Variants in C1orf87 observed in about 807,000 individuals in gnomAD.
C1orf87 encodes the protein chromosome 1 open reading frame 87.
Under a neutral mutation model 60.5 loss-of-function variants are expected in C1orf87, and 58 were observed. The ratio of observed to expected loss-of-function variants is 0.96; its 90% CI spans 0.78 to 1.19. The LOEUF (loss-of-function observed/expected upper bound fraction) is 1.19. Among genes scored for constraint, C1orf87 ranks in the 50% most tolerant of loss-of-function variants. The pLI, the probability that C1orf87 is intolerant of heterozygous loss-of-function variation, is 0.00. For synonymous variants in C1orf87, 236 were observed against 227.4 expected (o/e 1.04, Z -0.34); for missense variants, 673 against 638.6 (o/e 1.05, Z -0.58).
rs576425309 is a variant in C1orf87 at position 59,994,131 on chromosome 1, C to T, written c.1481-3298G>A. On this transcript the variant is annotated intron_variant, in intron 11 of 11. Coordinates refer to ENST00000371201, the MANE Select transcript of C1orf87 (RefSeq NM_152377.3). Reference sequence around the variant, plus strand: ...TTTCAATCTTTTATCTCATTTGATCCGTTCTCAAATCTGGGAAGTATGTTT... The same window carrying T: ...TTTCAATCTTTTATCTCATTTGATCTGTTCTCAAATCTGGGAAGTATGTTT... Among the ~76,000 whole-genome samples, 39 of 152,154 alleles carry T rather than the reference C, an allele frequency of 2.6e-4. No individual in the cohort carries two copies. In the South Asian group the frequency reaches 6.4e-3, roughly 25 times the overall value.
At chr1:60,002,546 G>A (rs950250051) in intron 9 of C1orf87, among the ~76,000 whole-genome samples, 1 of 152,010 alleles carries the variant, frequency 6.6e-6, no homozygotes, top group African/African-American at 2.4e-5. Context: ...TTTGTCAGAG[G>A]AGTAGGTTGC....
At chr1:60,001,579 AGAT>A (rs922432824) in intron 9 of C1orf87, among the ~76,000 whole-genome samples, 7 of 152,010 alleles carry the variant, frequency 4.6e-5, no homozygotes, top group Admixed American at 1.3e-4. Flanking sequence ...ATCCAGGCAA[AGAT>A]GATGATGGTG....
At chr1:60,036,999 A>C (rs1424240838) in intron 6 of C1orf87, among the ~76,000 whole-genome samples, 1 of 152,220 alleles carries the variant, frequency 6.6e-6, no homozygotes, top group Non-Finnish European at 1.5e-5. Context: ...ATTTTCACAC[A>C]GCAACCTCAT....
At chr1:59,996,071 T>TC (rs772852937) in intron 11 of C1orf87, among the ~76,000 whole-genome samples, 4 of 152,172 alleles carry the variant, frequency 2.6e-5, no homozygotes, top group African/African-American at 7.2e-5. Context: ...GGTTTTTTTT[T>TC]CTCTTTGGTA....
chr1:60,038,409 T>C (rs946939623), intron 5 of C1orf87, among the ~76,000 whole-genome samples: 7 of 152,112 alleles, frequency 4.6e-5, no homozygotes, highest in Admixed American at 1.3e-4. Context: ...CCTCCAGGAC[T>C]CTTTTTCCCC....
chr1:60,031,306 A>G (rs752697786), intron 7 of C1orf87, among the ~76,000 whole-genome samples: 44 of 152,184 alleles, frequency 2.9e-4, no homozygotes, highest in Non-Finnish European at 5.9e-4. Context: ...CCAGAACTGT[A>G]TTATGCTCTG....
chr1:59,990,774 G>C lies in C1orf87; in HGVS notation c.1540C>G (p.Leu514Val). 6.2e-7 allele frequency: 1 copy of C among 1,614,122 alleles called. No homozygotes were observed. The highest frequency in any genetic ancestry group is 1.1e-5 in the South Asian group (1 of 91,082). ...LIHNYNLIYN[L>V]SLSPQKIDQA... ...TCGATTTTCTGAGGGCTCAGGGACAGGTTGTAAATGAGATTGTAGTTGTGA... is the reference window on the plus strand; with the variant it reads ...TCGATTTTCTGAGGGCTCAGGGACACGTTGTAAATGAGATTGTAGTTGTGA... The change falls in exon 12 of 12, where the codon CTG becomes GTG. Residue 514 changes from leucine (L) to valine (V), a missense_variant. Coordinates refer to ENST00000371201, the MANE Select transcript of C1orf87 (RefSeq NM_152377.3).
At chr1:60,056,354 G>A (rs1459261738) in intron 2 of C1orf87, among the ~76,000 whole-genome samples, 2 of 152,096 alleles carry the variant, frequency 1.3e-5, no homozygotes, top group South Asian at 2.1e-4. Flanking sequence ...AAAACATTAG[G>A]AGTCAAGAAG....
At chr1:60,065,593 A>C (rs1645540494) in intron 2 of C1orf87, among the ~76,000 whole-genome samples, 1 of 152,108 alleles carries the variant, frequency 6.6e-6, no homozygotes, top group Non-Finnish European at 1.5e-5. Context: ...CTTCAGGTAC[A>C]CTTCTGTGTC....
At chr1:60,035,086 C>T (rs1055464706) in intron 6 of C1orf87, among the ~76,000 whole-genome samples, 6 of 152,294 alleles carry the variant, frequency 3.9e-5, no homozygotes, top group African/African-American at 1.4e-4. Flanking sequence ...CATGTGCCTT[C>T]ACCTGTCCAG....
intron 8 of C1orf87, chr1:60,010,803 G>A (rs1315081726): frequency 6.2e-6 from 1 of 162,524 alleles, no homozygotes; most frequent in East Asian, 1.7e-4. Flanking sequence ...TCTGGCCACT[G>A]GAAAATGAAA....
chr1:60,063,998 G>A (rs1197504262), intron 2 of C1orf87, among the ~76,000 whole-genome samples: 1 of 151,944 alleles, frequency 6.6e-6, no homozygotes, highest in African/African-American at 2.4e-5. Flanking sequence ...CAATCTGGGT[G>A]GCACCATCTA....
At chr1:59,995,897 C>G (rs1231770865) in intron 11 of C1orf87, among the ~76,000 whole-genome samples, 1 of 152,188 alleles carries the variant, frequency 6.6e-6, no homozygotes, top group Non-Finnish European at 1.5e-5. Context: ...TATTGTTAGT[C>G]TCTGTGTCTT....
At chr1:59,993,247 C>T (rs867065301) in intron 11 of C1orf87, among the ~76,000 whole-genome samples, 2 of 151,168 alleles carry the variant, frequency 1.3e-5, no homozygotes, top group South Asian at 2.1e-4. Flanking sequence ...TACATAAATA[C>T]ATAAATACAT....
chr1:60,060,116 C>CATACCATGTACT (rs1208475961), intron 2 of C1orf87, among the ~76,000 whole-genome samples: 55 of 148,028 alleles, frequency 3.7e-4, no homozygotes, highest in Admixed American at 2.4e-3. Context: ...GTCATGGAAC[C>CATACCATGTACT]ATACCATGTA....
chr1:59,997,077 T>C (rs902253662), intron 11 of C1orf87, among the ~76,000 whole-genome samples: 1 of 150,996 alleles, frequency 6.6e-6, no homozygotes, highest in African/African-American at 2.4e-5. Flanking sequence ...GGGGACAAGA[T>C]GGGGAGTTCG....
At chr1:60,048,246 A>G (rs1271082706) in intron 3 of C1orf87, among the ~76,000 whole-genome samples, 1 of 152,214 alleles carries the variant, frequency 6.6e-6, no homozygotes, top group African/African-American at 2.4e-5. Flanking sequence ...AGAAGCCCAA[A>G]TGAGGAAAAC....
At chr1:60,017,819 GTC>G (rs1645134344) in intron 8 of C1orf87, among the ~76,000 whole-genome samples, 1 of 152,066 alleles carries the variant, frequency 6.6e-6, no homozygotes. Flanking sequence ...ATTCACTAAT[GTC>G]TCTGCTAATT....
chr1:60,048,226 A>T (rs559302268), intron 3 of C1orf87, among the ~76,000 whole-genome samples: 20 of 152,252 alleles, frequency 1.3e-4, no homozygotes, highest in African/African-American at 4.8e-4. Flanking sequence ...TGTCATGCAC[A>T]CCCCTAGAGA....
Sources: gnomAD v4.1 joint callset for allele counts (sites outside exome capture counted in the v4.1 genomes callset) on GRCh38, gnomAD v4.1.1 for gene constraint, MANE v1.5 for transcripts, NCBI Gene and HGNC (gene_info 2026-07-23, HGNC 2026-07-21) for gene names.